The following MCTP1 variants were observed in gnomAD, a reference collection of about 807,000 sequenced individuals.
MCTP1 encodes the protein multiple C2 and transmembrane domain containing 1.
Under a neutral mutation model 120.6 loss-of-function variants are expected in MCTP1, and 69 were observed. The ratio of observed to expected loss-of-function variants is 0.57; its 90% CI spans 0.47 to 0.70. MCTP1 has a LOEUF of 0.70. MCTP1 is among the 30% of genes least tolerant of loss of function. The probability of loss-of-function intolerance (pLI) is 0.00; values close to 1 mark genes in which losing one functional copy is unlikely to be tolerated. For missense variants in MCTP1, 1,203 were observed against 1,248.8 expected, an observed-to-expected ratio of 0.96 and a Z score of 0.55; for synonymous variants, 529 against 493.1, an observed-to-expected ratio of 1.07 and a Z score of -0.96.
In MCTP1 at chr5:94,834,900, T is replaced by C. The variant is rs188644950; in HGVS notation, c.2436+33433A>G. ...TGGTGCAATCCCTGCTCAATGCAAC[T>C]GCAACCTCCGCCTCCCAGGTTCAGC... On this transcript the variant is annotated intron_variant, in intron 17 of 22. Transcript: ENST00000515393. Among the ~76,000 whole-genome samples the C allele has an allele frequency of 1.9e-3, 276 of 146,996 alleles. 3 individuals carry two copies. Among genetic ancestry groups the C allele is most frequent in the African/African-American group, 5.7e-3 (229 of 39,866 alleles).
At chr5:94,866,873 G>C (rs1796918557) in intron 17 of MCTP1, among the ~76,000 whole-genome samples, 1 of 151,582 alleles carries the variant, frequency 6.6e-6, no homozygotes, top group South Asian at 2.1e-4. Flanking sequence ...AAATGCTAAA[G>C]TGTTCAAAAT....
intron 1 of MCTP1, among the ~76,000 whole-genome samples, chr5:95,272,147 T>A (rs1759458271): frequency 6.6e-6 from 1 of 152,338 alleles, no homozygotes; most frequent in African/African-American, 2.4e-5. Context: ...CCATGCCTGG[T>A]AAAGGTATCC....
At chr5:95,039,953 C>T (rs1330903804) in intron 1 of MCTP1, among the ~76,000 whole-genome samples, 1 of 148,332 alleles carries the variant, frequency 6.7e-6, no homozygotes, top group Non-Finnish European at 1.5e-5. Context: ...GTAGATAACA[C>T]TAGGTGTCAC....
At chr5:95,242,240 T>C (rs1366045544) in intron 1 of MCTP1, among the ~76,000 whole-genome samples, 4 of 152,138 alleles carry the variant, frequency 2.6e-5, no homozygotes, top group African/African-American at 4.8e-5. Context: ...TTCCTACTTA[T>C]TTCTGGCGAG....
intron 1 of MCTP1, among the ~76,000 whole-genome samples, chr5:95,205,964 A>T (rs1194805039): frequency 6.6e-6 from 1 of 152,196 alleles, no homozygotes; most frequent in Non-Finnish European, 1.5e-5. Context: ...TCCACTTTGG[A>T]AAATAGTCTG....
chr5:94,896,094 A>T (rs1649281969), intron 10 of MCTP1, among the ~76,000 whole-genome samples: 1 of 152,204 alleles, frequency 6.6e-6, no homozygotes, highest in Non-Finnish European at 1.5e-5. Flanking sequence ...TGAAGGGTGA[A>T]AAAACATATC....
At chr5:94,793,649 T>C (rs147950709) in intron 18 of MCTP1, 2 of 152,322 alleles carry the variant, frequency 1.3e-5, no homozygotes, top group African/African-American at 4.8e-5. Flanking sequence ...ATGTTCAGAG[T>C]GCTTTGCATA....
At chr5:94,986,801 G>A (rs984715434) in intron 2 of MCTP1, among the ~76,000 whole-genome samples, 4 of 152,110 alleles carry the variant, frequency 2.6e-5, no homozygotes, top group East Asian at 1.9e-4. Context: ...GTGAGCCACC[G>A]CGTCGGGCCT....
rs934257787 is a variant in MCTP1 at position 94,705,722 on chromosome 5, A to G, written c.*1774T>C. 28 of 151,652 alleles carry G rather than the reference A, an allele frequency of 1.8e-4. No homozygotes were observed. Among genetic ancestry groups the G allele is most frequent in the African/African-American group, 6.0e-4 (25 of 41,372 alleles). The allele number at this position is 151,652 out of a possible 1,614,324, so 9.4% of individuals were successfully genotyped here. ...TATAGACATTTGAGTACACATTGTC[A>G]GCACAGAACATAAAAGTCTCACATA... On this transcript the variant is annotated 3_prime_UTR_variant, in exon 23 of 23. Transcript: ENST00000515393.
chr5:94,891,708 C>T (rs559664770), intron 11 of MCTP1, among the ~76,000 whole-genome samples: 2 of 151,008 alleles, frequency 1.3e-5, no homozygotes, highest in South Asian at 2.1e-4. Flanking sequence ...CAAATTTCAA[C>T]GGTTTAGGCC....
At chr5:95,100,047 C>T (rs1338874638) in intron 1 of MCTP1, among the ~76,000 whole-genome samples, 2 of 150,374 alleles carry the variant, frequency 1.3e-5, no homozygotes, top group African/African-American at 2.5e-5. Context: ...ACCGCATATT[C>T]TCACTCATAG....
At chr5:95,015,242 G>C (rs961123814) in intron 2 of MCTP1, among the ~76,000 whole-genome samples, 17 of 151,970 alleles carry the variant, frequency 1.1e-4, no homozygotes, top group Non-Finnish European at 2.5e-4. Context: ...TCCAAAATAG[G>C]CCTGTATGTA....
chr5:94,747,521 A>G (rs1165165357), intron 19 of MCTP1, among the ~76,000 whole-genome samples: 1 of 152,162 alleles, frequency 6.6e-6, no homozygotes, highest in East Asian at 1.9e-4. Context: ...CATTGAAAGC[A>G]TGAAAGCAGC....
Position 95,117,831 on chromosome 5 carries a change from C to A in MCTP1, c.721-100347G>T, listed in dbSNP as rs546620563. Reference sequence around the variant, plus strand: ...CTATACACTATGCAATACTATGCAGCCATAAAAAGGAATGAGATCATGTTT... The same window carrying A: ...CTATACACTATGCAATACTATGCAGACATAAAAAGGAATGAGATCATGTTT... On this transcript the variant is annotated intron_variant, in intron 1 of 22. Coordinates refer to ENST00000515393, the MANE Select transcript of MCTP1 (RefSeq NM_024717.7). Among the ~76,000 whole-genome samples the A allele has an allele frequency of 2.0e-5, 3 of 152,216 alleles. No homozygotes were observed. In the East Asian group the frequency reaches 5.8e-4, roughly 29 times the overall value.
rs1344932076 is a variant in MCTP1, at chr5:95,187,471, C to T, written c.720+96385G>A. Among the ~76,000 whole-genome samples the T allele has an allele frequency of 3.9e-5, 6 of 152,150 alleles. No homozygotes were observed. The South Asian group carries it at 1.2e-3, about 32-fold the overall frequency. On this transcript the variant is annotated intron_variant, in intron 1 of 22. Coordinates refer to ENST00000515393, the MANE Select transcript of MCTP1 (RefSeq NM_024717.7). ...ATGGAGTGCGGTGGTGTGACCTCAG[C>T]TCATCTTAACCTCCACCTTCCGCGT... is the stretch of plus-strand genomic sequence containing the variant.
chr5:94,898,704 A>G lies in MCTP1; in HGVS notation c.1653-3869T>C, dbSNP rs117213601. ...TACCAAGATAAAAATGCAAAATTTA[A>G]AAAGCATCAAAACAAATTTATGAAT... On this transcript the variant is annotated intron_variant, in intron 10 of 22. Coordinates refer to ENST00000515393, the MANE Select transcript of MCTP1 (RefSeq NM_024717.7). Among the ~76,000 whole-genome samples, 516 of 152,370 alleles carry G rather than the reference A, an allele frequency of 3.4e-3. 8 individuals are homozygous for G. In the East Asian group the frequency reaches 0.044, roughly 13 times the overall value.
intron 1 of MCTP1, among the ~76,000 whole-genome samples, chr5:95,035,229 C>T (rs552750999): frequency 1.3e-4 from 19 of 151,554 alleles, no homozygotes; most frequent in Admixed American, 6.6e-4. Context: ...GCCATCTACC[C>T]GAAGGAAAAA....
At chr5:95,256,495 T>G (rs535130144) in intron 1 of MCTP1, among the ~76,000 whole-genome samples, 1 of 152,300 alleles carries the variant, frequency 6.6e-6, no homozygotes, top group African/African-American at 2.4e-5. Flanking sequence ...TGGGTGACCC[T>G]GACAGCTGGA....
intron 1 of MCTP1, among the ~76,000 whole-genome samples, chr5:95,249,154 A>T (rs1055357398): frequency 6.6e-6 from 1 of 152,154 alleles, no homozygotes; most frequent in Non-Finnish European, 1.5e-5. Flanking sequence ...AAGCCAAAAT[A>T]GACAAATGGG....
Sources: gnomAD v4.1 joint callset for allele counts (sites outside exome capture counted in the v4.1 genomes callset) on GRCh38, gnomAD v4.1.1 for gene constraint, MANE v1.5 for transcripts, NCBI Gene and HGNC (gene_info 2026-07-23, HGNC 2026-07-21) for gene names.